ACTL6B: variants seen among roughly 807,000 people sequenced by gnomAD.
ACTL6B encodes the protein actin like 6B, also known as actin-like protein 6B.
ACTL6B carries 48 observed loss-of-function variants against 63.3 expected under a neutral mutation model. That is an observed-to-expected ratio of 0.76 (90% CI 0.60 to 0.96). The LOEUF (loss-of-function observed/expected upper bound fraction) is 0.96. Ranked by LOEUF, ACTL6B falls within the 50% of genes least tolerant of loss-of-function variation. ACTL6B has a pLI of 0.00. For missense variants in ACTL6B, 350 were observed against 572.2 expected, an observed-to-expected ratio of 0.61 and a Z score of 3.96; for synonymous variants, 230 against 223.8, an observed-to-expected ratio of 1.03 and a Z score of -0.25.
At position 100,648,544 on chromosome 7, in the gene ACTL6B, C is replaced by T; in HGVS notation, c.669+12G>A. 1 of 1,583,144 alleles carries T rather than the reference C, an allele frequency of 6.3e-7. No individual in the cohort carries two copies. The highest frequency in any genetic ancestry group is 8.6e-7 in the Non-Finnish European group (1 of 1,163,904). On this transcript the variant is annotated intron_variant, in intron 7 of 13. Coordinates refer to ENST00000160382, the MANE Select transcript of ACTL6B (RefSeq NM_016188.5). This position sits in a 1 kb window ranked among gnomAD's most constrained non-coding sequence, Gnocchi z 4.4. ...GACTCTAGTGGCAGCTCCATGTCCCCAGAGGCCCCACCTTGGCTGCGATCA... is the reference window on the plus strand; with the variant it reads ...GACTCTAGTGGCAGCTCCATGTCCCTAGAGGCCCCACCTTGGCTGCGATCA...
In ACTL6B at chr7:100,646,109, A is replaced by G; in HGVS notation, c.1200+140T>C. 2.4e-6 allele frequency: 2 copies of G among 829,016 alleles called. No individual in the cohort carries two copies. The highest frequency in any genetic ancestry group is 3.2e-5 in the South Asian group (2 of 62,546). 51.4% of individuals were successfully genotyped at this position (829,016 alleles called of 1,614,324 possible). ...TTGTGTCCTGTTCACCCTTCTGGGA[A>G]CATTCATTGACTGACATTTCTCAAA... On this transcript the variant is annotated intron_variant, in intron 13 of 13. Coordinates refer to ENST00000160382, the MANE Select transcript of ACTL6B (RefSeq NM_016188.5). The surrounding 1 kb of genome is among the most constrained non-coding windows in gnomAD (Gnocchi z 6.1).
In ACTL6B at chr7:100,646,420, G is replaced by T; in HGVS notation, c.1114-85C>A. The T allele has an allele frequency of 6.4e-7, 1 of 1,555,538 alleles. No homozygotes were observed. The highest frequency in any genetic ancestry group is 8.8e-7 in the Non-Finnish European group (1 of 1,133,092). On this transcript the variant is annotated intron_variant, in intron 12 of 13. Coordinates refer to ENST00000160382, the MANE Select transcript of ACTL6B (RefSeq NM_016188.5). This position sits in a 1 kb window ranked among gnomAD's most constrained non-coding sequence, Gnocchi z 6.1. ...TGGGGGAGAGGGGAAGACTTGGGAA[G>T]CCACAGGGGCAGGGGTTCTGCTCTG...
chr7:100,652,457 T>C (rs1584470419), intron 4 of ACTL6B, among the ~76,000 whole-genome samples: 1 of 128,746 alleles, frequency 7.8e-6, no homozygotes, highest in East Asian at 2.2e-4. Flanking sequence ...ATTAGTCGGA[T>C]GTGGTGGTGG....
chr7:100,650,591 C>A (rs1803923543), intron 4 of ACTL6B, among the ~76,000 whole-genome samples: 1 of 152,160 alleles, frequency 6.6e-6, no homozygotes, highest in African/African-American at 2.4e-5. Flanking sequence ...AATCCCAGCA[C>A]TTTGGGAGGC....
At chr7:100,650,981 A>G (rs558195509) in intron 4 of ACTL6B, among the ~76,000 whole-genome samples, 1 of 152,334 alleles carries the variant, frequency 6.6e-6, no homozygotes, top group East Asian at 1.9e-4. Flanking sequence ...CTAAGTGCCT[A>G]GAGCCATGAA....
rs771275027 is a variant in ACTL6B at position 100,647,569 on chromosome 7, C to A, written c.670-36G>T. ...ACAGTGTAGGAACACCCTTTCCTAGCCCACCTGACCCCCACCCCCACCTTC... is the reference window on the plus strand; with the variant it reads ...ACAGTGTAGGAACACCCTTTCCTAGACCACCTGACCCCCACCCCCACCTTC... On this transcript the variant is annotated intron_variant, in intron 7 of 13. Coordinates refer to ENST00000160382, the MANE Select transcript of ACTL6B (RefSeq NM_016188.5). The surrounding 1 kb of genome is among the most constrained non-coding windows in gnomAD (Gnocchi z 4.4). The A allele has an allele frequency of 6.9e-7, 1 of 1,443,950 alleles. No individual in the cohort carries two copies. Among genetic ancestry groups the A allele is most frequent in the Middle Eastern group, 1.8e-4 (1 of 5,422 alleles). The allele number at this position is 1,443,950 out of a possible 1,614,324, so 89.4% of individuals were successfully genotyped here.
intron 4 of ACTL6B, 51 bp from the exon 5 acceptor site, chr7:100,650,186 C>G (rs1210183000): frequency 6.5e-6 from 10 of 1,544,750 alleles, no homozygotes; most frequent in Non-Finnish European, 8.9e-6. Context: ...AGGCACAGAC[C>G]CACATCCACG....
chr7:100,645,021 A>C (rs191822775), intron 13 of ACTL6B, among the ~76,000 whole-genome samples: 1 of 152,208 alleles, frequency 6.6e-6, no homozygotes, highest in East Asian at 1.9e-4. Flanking sequence ...GCTCCACTGC[A>C]CTCCAGCCTG....
In ACTL6B at chr7:100,652,370, C is replaced by T. The variant is rs1347463955; in HGVS notation, c.370-2235G>A. Among the ~76,000 whole-genome samples the T allele has an allele frequency of 2.0e-5, 3 of 149,534 alleles. No homozygotes were observed. In the East Asian group the frequency reaches 5.9e-4, roughly 30 times the overall value. On this transcript the variant is annotated intron_variant, in intron 4 of 13. Coordinates refer to ENST00000160382, the MANE Select transcript of ACTL6B (RefSeq NM_016188.5). ...AGGAGAAATGGAGCTTTCAGTGAGC[C>T]GAGATCGCACCACTGCACTCCAGCC...
At position 100,652,253 on chromosome 7, in the gene ACTL6B, C is replaced by A. The variant is rs191746154; in HGVS notation, c.370-2118G>T. 3.4e-3 allele frequency among the ~76,000 whole-genome samples: 511 copies of A among 151,890 alleles called. 2 individuals are homozygous for A. The highest frequency in any genetic ancestry group is 0.01 in the African/African-American group (419 of 41,458). Reference sequence around the variant, plus strand: ...CTCTACTAAAAATACAAAAAATTAGCCGGGCGTGGTGGTGGGTGCCTATAG... The same window carrying A: ...CTCTACTAAAAATACAAAAAATTAGACGGGCGTGGTGGTGGGTGCCTATAG... On this transcript the variant is annotated intron_variant, in intron 4 of 13. Coordinates refer to ENST00000160382, the MANE Select transcript of ACTL6B (RefSeq NM_016188.5).
intron 4 of ACTL6B, among the ~76,000 whole-genome samples, 167 bp from the exon 5 acceptor site, chr7:100,650,302 A>G (rs969837990): frequency 6.6e-6 from 1 of 151,676 alleles, no homozygotes; most frequent in Non-Finnish European, 1.5e-5. Flanking sequence ...ACTCACGGTC[A>G]TACACACATG....
chr7:100,646,957 C>A lies in ACTL6B; in HGVS notation c.936+14G>T. On this transcript the variant is annotated intron_variant, in intron 10 of 13. Transcript: ENST00000160382. This position sits in a 1 kb window ranked among gnomAD's most constrained non-coding sequence, Gnocchi z 6.1. ...CAGCCAGCACCCACCCCAGTCCTCG[C>A]CACACAGCCAAACCTTGACGTTCGA... 6.2e-7 allele frequency: 1 copy of A among 1,613,458 alleles called. No individual in the cohort carries two copies. The highest frequency in any genetic ancestry group is 2.2e-5 in the East Asian group (1 of 44,876).
At chr7:100,644,929 G>A (rs1046610533) in intron 13 of ACTL6B, among the ~76,000 whole-genome samples, 8 of 152,012 alleles carry the variant, frequency 5.3e-5, no homozygotes, top group Non-Finnish European at 1.0e-4. Flanking sequence ...GGTGGCTCAC[G>A]CATGTAATCC....
Position 100,647,118 on chromosome 7 carries a change from T to A in ACTL6B, c.822-33A>T. Reference sequence around the variant, plus strand: ...GAAGGGAGCAGGACTCTGCCTGGGGTGCTCAAGAAGGATCAGTGCGTGGGC... The same window carrying A: ...GAAGGGAGCAGGACTCTGCCTGGGGAGCTCAAGAAGGATCAGTGCGTGGGC... On this transcript the variant is annotated intron_variant, in intron 9 of 13. Transcript: ENST00000160382. The surrounding 1 kb of genome is among the most constrained non-coding windows in gnomAD (Gnocchi z 4.4). The A allele has an allele frequency of 1.9e-6, 3 of 1,612,372 alleles. No individual in the cohort carries two copies. The highest frequency in any genetic ancestry group is 1.7e-6 in the Non-Finnish European group (2 of 1,178,728).
At position 100,655,655 on chromosome 7, in the gene ACTL6B, C is replaced by A; in HGVS notation, c.103-69G>T. 3.9e-6 allele frequency: 6 copies of A among 1,553,378 alleles called. No individual in the cohort carries two copies. In the South Asian group the frequency reaches 4.9e-5, roughly 13 times the overall value. On this transcript the variant is annotated intron_variant, in intron 2 of 13. Coordinates refer to ENST00000160382, the MANE Select transcript of ACTL6B (RefSeq NM_016188.5). This position sits in a 1 kb window ranked among gnomAD's most constrained non-coding sequence, Gnocchi z 4.4. ...ACCCTCTTGCCCCTGTCCAGCCCCA[C>A]AGCAGGGTCCTCAGACCGCCCCTGG...
chr7:100,647,577 A>C lies in ACTL6B; in HGVS notation c.670-44T>G. ...GGAACACCCTTTCCTAGCCCACCTG[A>C]CCCCCACCCCCACCTTCCTGGCACT... On this transcript the variant is annotated intron_variant, in intron 7 of 13. Transcript: ENST00000160382. The surrounding 1 kb of genome is among the most constrained non-coding windows in gnomAD (Gnocchi z 4.4). The C allele has an allele frequency of 1.5e-6, 2 of 1,360,394 alleles. No individual in the cohort carries two copies. The highest frequency in any genetic ancestry group is 1.5e-5 in the African/African-American group (1 of 68,394). The allele number at this position is 1,360,394 out of a possible 1,614,324, so 84.3% of individuals were successfully genotyped here.
intron 5 of ACTL6B, 131 bp downstream of exon 5, chr7:100,649,907 G>A (rs533483389): frequency 5.6e-5 from 42 of 749,570 alleles, no homozygotes; most frequent in Non-Finnish European, 8.4e-5. Flanking sequence ...TGGGGCAGAG[G>A]GAGGTGTCTG....
At position 100,656,387 on chromosome 7, in the gene ACTL6B, G is replaced by T; in HGVS notation, c.-33C>A. The stretch of plus-strand genomic sequence containing the variant: ...GCTGCGCTGCTAGCGGCCCGTGGGC[G>T]GTGGCGGGATCAGCACCGAGGCGGC... On this transcript the variant is annotated 5_prime_UTR_variant, in exon 1 of 14. Transcript: ENST00000160382. The T allele has an allele frequency of 1.5e-6, 2 of 1,314,082 alleles. No individual in the cohort carries two copies. Among genetic ancestry groups the T allele is most frequent in the Non-Finnish European group, 1.9e-6 (2 of 1,027,992 alleles). 81.4% of individuals were successfully genotyped at this position (1,314,082 alleles called of 1,614,324 possible).
chr7:100,643,207 C>T lies in ACTL6B; in HGVS notation c.*39G>A, dbSNP rs1803754320. 1 of 1,602,962 alleles carries T rather than the reference C, an allele frequency of 6.2e-7. No homozygotes were observed. The highest frequency in any genetic ancestry group is 1.3e-5 in the African/African-American group (1 of 74,702). ...TGTGGCATGGGGGTTAAGGGACTTC[C>T]ATCTGAGCTTGGGAGCAGGTGTGTG... On this transcript the variant is annotated 3_prime_UTR_variant, in exon 14 of 14. Coordinates refer to ENST00000160382, the MANE Select transcript of ACTL6B (RefSeq NM_016188.5).
Sources: gnomAD v4.1 joint callset for allele counts (sites outside exome capture counted in the v4.1 genomes callset) on GRCh38, gnomAD v4.1.1 for gene constraint, Gnocchi (gnomAD v3.1) non-coding constraint, MANE v1.5 for transcripts, NCBI Gene and HGNC (gene_info 2026-07-23, HGNC 2026-07-21) for gene names.